The following TLE6 variants were observed in gnomAD, a reference collection of about 807,000 sequenced individuals.
TLE6 encodes the protein transducin-like enhancer protein 6.
Under a neutral mutation model 77.1 loss-of-function variants are expected in TLE6, and 72 were observed. The ratio of observed to expected loss-of-function variants is 0.93; its 90% CI spans 0.77 to 1.14. The LOEUF is 1.14. TLE6 is among the 50% of genes most tolerant of loss of function. The pLI is 0.00. For missense variants in TLE6, 843 were observed against 747.6 expected (o/e 1.13, Z -1.49); for synonymous variants, 366 against 287.3 (o/e 1.27, Z -2.77).
At chr19:2,979,799 T>G (rs2088757588) in intron 2 of TLE6, among the ~76,000 whole-genome samples, 1 of 115,150 alleles carries the variant, frequency 8.7e-6, no homozygotes, top group African/African-American at 3.3e-5. Flanking sequence ...ATAAGCCAGG[T>G]GTGTTGCCGG....
intron 14 of TLE6, among the ~76,000 whole-genome samples, chr19:2,993,154 G>C (rs137883938): frequency 3.5e-4 from 53 of 151,722 alleles, no homozygotes; most frequent in Middle Eastern, 3.4e-3. Context: ...AGACGTTGTC[G>C]TAAGCCGAGA....
chr19:2,978,327 G>A (rs1002959504), intron 2 of TLE6, 43 bp downstream of exon 2: 93 of 1,547,342 alleles, frequency 6.0e-5, no homozygotes, highest in Non-Finnish European at 7.4e-5. Flanking sequence ...AGGGAAACCC[G>A]GGCCCAATGT....
chr19:2,987,591 C>T (rs746051001), intron 8 of TLE6, 133 bp from the exon 9 acceptor site: 312 of 1,172,122 alleles, frequency 2.7e-4, no homozygotes, highest in Non-Finnish European at 3.8e-4. Flanking sequence ...GACTCTCTCT[C>T]TGCAACTCTG....
chr19:2,994,168 C>G, intron 16 of TLE6, 73 bp downstream of exon 16: 1 of 1,324,106 alleles, frequency 7.6e-7, no homozygotes, highest in Non-Finnish European at 1.0e-6. Flanking sequence ...CAGCAAGACC[C>G]TGTCTCCACA....
intron 5 of TLE6, among the ~76,000 whole-genome samples, 164 bp from the exon 6 acceptor site, chr19:2,986,665 G>C (rs2088917639): frequency 6.6e-6 from 1 of 151,090 alleles, no homozygotes. Context: ...AGTGAGCCGA[G>C]ATTGCACCAC....
At chr19:2,984,062 C>T (rs1254788517) in intron 5 of TLE6, 1 of 152,408 alleles carries the variant, frequency 6.6e-6, no homozygotes, top group Non-Finnish European at 1.5e-5. Flanking sequence ...CCACCCGCTG[C>T]TTCCAGTTCC....
chr19:2,978,118 G>T (rs903399921), intron 1 of TLE6, 80 bp from the exon 2 acceptor site: 14 of 1,044,888 alleles, frequency 1.3e-5, no homozygotes, highest in Non-Finnish European at 2.0e-5. Flanking sequence ...GGAGGTGCGG[G>T]TGGGGTAACG....
At chr19:2,991,435 A>T (rs1026654482) in intron 13 of TLE6, among the ~76,000 whole-genome samples, 1 of 145,824 alleles carries the variant, frequency 6.9e-6, no homozygotes, top group East Asian at 2.0e-4. Context: ...CATATATATA[A>T]TATATGTATT....
chr19:2,992,039 A>T, intron 14 of TLE6, 55 bp downstream of exon 14: 1 of 1,596,428 alleles, frequency 6.3e-7, no homozygotes, highest in Non-Finnish European at 8.6e-7. Flanking sequence ...TCCTCAGATT[A>T]AAAAATGAGG....
rs761534431 is a variant in TLE6 at position 2,989,109 on chromosome 19, C to T, written c.789C>T (p.Ala263=). 9 of 1,614,168 alleles carry T rather than the reference C, an allele frequency of 5.6e-6. No individual in the cohort carries two copies. In the East Asian group the frequency reaches 1.8e-4, roughly 32 times the overall value. Residue 263 remains alanine (A), a synonymous_variant, in exon 12 of 17, where the codon GCC becomes GCT. Coordinates refer to ENST00000246112, the MANE Select transcript of TLE6 (RefSeq NM_001143986.2). ...DFEDAWKRPD[A]LPGQSKRLAV... is the part of the protein sequence containing the mutation. ...AAGATGCATGGAAGAGGCCAGATGC[C>T]TTGCCCGGGCAGTCAAAGAGACTCG...
Position 2,991,870 on chromosome 19 carries a change from CAA to C in TLE6, c.1273_1274del (p.Lys425GlufsTer116), listed in dbSNP as rs2089073737. On this transcript the variant is annotated frameshift_variant, in exon 14 of 17. Transcript: ENST00000246112. LOFTEE classifies it high-confidence loss of function. ...ACCTCAAGGGTTATCCTGATGGAGT[CAA>C]GAGTATCGTGGTCAAGGGCTACAAC... Reference protein sequence around the residue: ...RDLKGYPDGVKSIVVKGYNIW... With the variant: ...RDLKGYPDGVXSIVVKGYNIW... The C allele has an allele frequency of 6.2e-7, 1 of 1,613,772 alleles. No homozygotes were observed.
At chr19:2,980,267 T>C in intron 3 of TLE6, 85 bp downstream of exon 3, 3 of 1,188,338 alleles carry the variant, frequency 2.5e-6, no homozygotes, top group Non-Finnish European at 2.4e-6. Context: ...GTGAGTGGTC[T>C]AGAGGCTGCT....
intron 2 of TLE6, among the ~76,000 whole-genome samples, chr19:2,979,418 T>C (rs749398573): frequency 1.3e-5 from 2 of 151,780 alleles, no homozygotes; most frequent in Non-Finnish European, 2.9e-5. Flanking sequence ...GGCTAATTTT[T>C]GTATTTTCAG....
intron 3 of TLE6, 143 bp from the exon 4 acceptor site, chr19:2,981,395 C>A (rs1218058141): frequency 1.1e-5 from 8 of 715,674 alleles, no homozygotes; most frequent in Non-Finnish European, 4.7e-6. Flanking sequence ...TACTGAACTT[C>A]TTGACACTGC....
chr19:2,993,690 C>T (rs1034357854), intron 15 of TLE6, 108 bp downstream of exon 15: 2 of 1,401,092 alleles, frequency 1.4e-6, no homozygotes, highest in African/African-American at 1.5e-5. Context: ...CCTCAGAACC[C>T]TTCTGTAGCA....
chr19:2,991,424 A>G (rs1374311836), intron 13 of TLE6, among the ~76,000 whole-genome samples: 1 of 149,008 alleles, frequency 6.7e-6, no homozygotes, highest in African/African-American at 2.5e-5. Context: ...ACACACACAC[A>G]CATATATATA....
At chr19:2,994,200 G>A (rs114583958) in intron 16 of TLE6, 105 bp downstream of exon 16, 10,531 of 911,690 alleles carry the variant, frequency 0.012, 102 homozygotes, top group African/African-American at 0.046. Context: ...AAGTAGCCAG[G>A]TGTGGTGGCT....
At chr19:2,980,444 A>G in intron 3 of TLE6, 1 of 308,328 alleles carries the variant, frequency 3.2e-6, no homozygotes, top group Non-Finnish European at 6.3e-6. Flanking sequence ...TTGTTGAAAA[A>G]TACTGCAACG....
At position 2,989,264 on chromosome 19, in the gene TLE6, C is replaced by T. The variant is rs1232582306; in HGVS notation, c.944C>T (p.Thr315Ile). 6.2e-7 allele frequency: 1 copy of T among 1,613,776 alleles called. No individual in the cohort carries two copies. Among genetic ancestry groups the T allele is most frequent in the East Asian group, 2.2e-5 (1 of 44,884 alleles). Residue 315 changes from threonine (T) to isoleucine (I), a missense_variant, in exon 12 of 17, where the codon ACT becomes ATT. Transcript: ENST00000246112. ...GRRGIKVWSL[T>I]GQVAEDRFPE... is the part of the protein sequence containing the mutation. ...AGAGGCATCAAGGTGTGGAGCCTGA[C>T]TGGACAGGTGGCTGAGGACAGGTTC...
Sources: allele counts gnomAD v4.1 joint callset (sites outside exome capture counted in the v4.1 genomes callset), GRCh38; gene constraint gnomAD v4.1.1; transcripts MANE v1.5; gene names NCBI Gene and HGNC (gene_info 2026-07-23, HGNC 2026-07-21).